The following SKAP1 variants were observed in gnomAD, a reference collection of about 807,000 sequenced individuals.
SKAP1 encodes the protein src kinase-associated phosphoprotein 1.
SKAP1 carries 44 observed loss-of-function variants against 58.5 expected under a neutral mutation model. The ratio of observed to expected loss-of-function variants is 0.75; its 90% CI spans 0.59 to 0.97. The LOEUF (loss-of-function observed/expected upper bound fraction) is 0.97, where lower values mean the gene tolerates loss of function less well. SKAP1 is among the 50% of genes least tolerant of loss of function. The pLI is 0.00. For missense variants in SKAP1, 390 were observed against 435.2 expected, an observed-to-expected ratio of 0.90 and a Z score of 0.92; for synonymous variants, 127 against 149.7, an observed-to-expected ratio of 0.85 and a Z score of 1.11.
intron 2 of SKAP1, among the ~76,000 whole-genome samples, chr17:48,388,213 A>G (rs1598643247): frequency 6.6e-6 from 1 of 152,214 alleles, no homozygotes; most frequent in East Asian, 1.9e-4. Flanking sequence ...AGGCAGGCGG[A>G]TCATGAGGTC....
intron 11 of SKAP1, among the ~76,000 whole-genome samples, chr17:48,161,152 C>T (rs2064062982): frequency 6.6e-6 from 1 of 152,192 alleles, no homozygotes; most frequent in Non-Finnish European, 1.5e-5. Context: ...TAGACCTAGA[C>T]TGTTTCCTAA....
rs191112012 is a variant in SKAP1 at position 48,199,931 on chromosome 17, C to T, written c.281-10431G>A. Among the ~76,000 whole-genome samples the T allele has an allele frequency of 4.2e-4, 64 of 152,044 alleles. 1 individual carries two copies. Among genetic ancestry groups the T allele is most frequent in the Admixed American group, 3.9e-3 (59 of 15,262 alleles). ...TAGATTCTTCTTTGGTGCATATAGCCGTGCACGTAGGGGGATGGGCCAGGG... is the reference window on the plus strand; with the variant it reads ...TAGATTCTTCTTTGGTGCATATAGCTGTGCACGTAGGGGGATGGGCCAGGG... On this transcript the variant is annotated intron_variant, in intron 4 of 12. Transcript: ENST00000336915.
At chr17:48,137,481 T>C (rs1170434401) in intron 11 of SKAP1, 144 bp from the exon 12 acceptor site, 16 of 534,824 alleles carry the variant, frequency 3.0e-5, no homozygotes, top group Non-Finnish European at 5.3e-5. Context: ...GATGGGATTA[T>C]TAAATTTAAA....
At position 48,430,106 on chromosome 17, in the gene SKAP1, G is replaced by T; in HGVS notation, c.15C>A (p.Ala5=). Residue 5 remains alanine (A), a synonymous_variant, in exon 1 of 13, where the codon GCC becomes GCA. Transcript: ENST00000336915. ...GGAGCCAACGGATCTCCTCAGGGAG[G>T]GCGGCGGCCTGCATTTGGCTGGGCG... is the stretch of plus-strand genomic sequence containing the variant. MQAA[A]LPEEIRWLLE... The T allele has an allele frequency of 7.9e-7, 1 of 1,263,268 alleles. No individual in the cohort carries two copies. The highest frequency in any genetic ancestry group is 2.1e-4 in the Middle Eastern group (1 of 4,856). 78.3% of individuals were successfully genotyped at this position (1,263,268 alleles called of 1,614,324 possible).
chr17:48,436,934 A>G, the SKAP1 span, among the ~76,000 whole-genome samples: 3 of 152,266 alleles, frequency 2.0e-5, no homozygotes, highest in African/African-American at 4.8e-5. Flanking sequence ...GCATTGCCCT[A>G]TCTGATCCTC....
intron 4 of SKAP1, chr17:48,203,906 A>C (rs1354756412): frequency 6.6e-6 from 1 of 152,192 alleles, no homozygotes; most frequent in African/African-American, 2.4e-5. Context: ...TAATAGTAAT[A>C]CTTTACATTT....
chr17:48,266,596 C>T (rs532936574), intron 4 of SKAP1, among the ~76,000 whole-genome samples: 9 of 151,094 alleles, frequency 6.0e-5, no homozygotes, highest in South Asian at 2.1e-4. Flanking sequence ...CTGTAAGCTC[C>T]GCCTCCCAGG....
intron 1 of SKAP1, among the ~76,000 whole-genome samples, chr17:48,403,858 G>T (rs753501046): frequency 6.6e-6 from 1 of 152,056 alleles, no homozygotes; most frequent in South Asian, 2.1e-4. Context: ...AGGCAGAGGC[G>T]GGCAGACCAC....
chr17:48,209,355 C>T (rs1312278655), intron 4 of SKAP1, among the ~76,000 whole-genome samples: 1 of 152,088 alleles, frequency 6.6e-6, no homozygotes, highest in Non-Finnish European at 1.5e-5. Flanking sequence ...TTTGTATTTA[C>T]AGAGTCTGGA....
chr17:48,235,932 T>G (rs1682258552), intron 4 of SKAP1, among the ~76,000 whole-genome samples: 1 of 152,146 alleles, frequency 6.6e-6, no homozygotes, highest in Non-Finnish European at 1.5e-5. Context: ...TTGCTTTTCT[T>G]TGAGAAATGA....
chr17:48,344,059 A>G (rs1007079653), intron 4 of SKAP1, among the ~76,000 whole-genome samples: 1 of 152,214 alleles, frequency 6.6e-6, no homozygotes, highest in Admixed American at 6.5e-5. Context: ...TGCAAGGCAA[A>G]TAGTAAGTGC....
chr17:48,230,748 C>T (rs1266952220), intron 4 of SKAP1, among the ~76,000 whole-genome samples: 1 of 151,812 alleles, frequency 6.6e-6, no homozygotes, highest in African/African-American at 2.4e-5. Context: ...CAGAGTGAGA[C>T]CCTGTCTCAA....
chr17:48,211,068 A>C (rs983457996), intron 4 of SKAP1, among the ~76,000 whole-genome samples: 1 of 152,084 alleles, frequency 6.6e-6, no homozygotes, highest in African/African-American at 2.4e-5. Flanking sequence ...TTTTTTCCTG[A>C]AAAAGAGTTT....
At chr17:48,257,695 C>A (rs1386486858) in intron 4 of SKAP1, among the ~76,000 whole-genome samples, 1 of 132,440 alleles carries the variant, frequency 7.6e-6, no homozygotes, top group East Asian at 2.3e-4. Context: ...ATTTGAGGGT[C>A]TCTCACACTG....
At chr17:48,273,042 A>G (rs1304910660) in intron 4 of SKAP1, among the ~76,000 whole-genome samples, 1 of 152,196 alleles carries the variant, frequency 6.6e-6, no homozygotes, top group Non-Finnish European at 1.5e-5. Flanking sequence ...TGCTGTGCCA[A>G]CTGCACTCCT....
At chr17:48,433,503 C>T (rs967658467), upstream of SKAP1, among the ~76,000 whole-genome samples, 15 of 152,160 alleles carry the variant, frequency 9.9e-5, no homozygotes, top group African/African-American at 3.4e-4. Flanking sequence ...CTTTTCTTCC[C>T]GTCCCCCCCA....
intron 4 of SKAP1, among the ~76,000 whole-genome samples, chr17:48,334,149 CCTT>C (rs1206158145): frequency 6.6e-6 from 1 of 151,908 alleles, no homozygotes; most frequent in Non-Finnish European, 1.5e-5. Context: ...GACCCTGACA[CCTT>C]CTTATAGCTA....
At chr17:48,419,444 C>T (rs2067770141) in intron 1 of SKAP1, among the ~76,000 whole-genome samples, 1 of 151,998 alleles carries the variant, frequency 6.6e-6, no homozygotes, top group Admixed American at 6.6e-5. Context: ...GCCACCACAC[C>T]CAGCTAATTT....
chr17:48,237,092 G>T (rs1296223971), intron 4 of SKAP1, among the ~76,000 whole-genome samples: 1 of 152,172 alleles, frequency 6.6e-6, no homozygotes, highest in Non-Finnish European at 1.5e-5. Context: ...AGTTCTTTCT[G>T]ACTCCAGAAA....
Sources: gnomAD v4.1 joint callset for allele counts (sites outside exome capture counted in the v4.1 genomes callset) on GRCh38, gnomAD v4.1.1 for gene constraint, MANE v1.5 for transcripts, NCBI Gene and HGNC (gene_info 2026-07-23, HGNC 2026-07-21) for gene names.